Variants in ETS1 observed in about 807,000 individuals in gnomAD.
ETS1 encodes the protein protein C-ets-1.
In ETS1, 15 loss-of-function variants were observed where a neutral mutation model predicts 58.6. That is an observed-to-expected ratio of 0.26 (90% confidence interval 0.17 to 0.39). The LOEUF (loss-of-function observed/expected upper bound fraction) is 0.39, where lower values mean the gene tolerates loss of function less well. ETS1 is among the 10% of genes least tolerant of loss of function. ETS1 has a pLI of 1.00. For missense variants in ETS1, 417 were observed against 610.5 expected, an observed-to-expected ratio of 0.68 and a Z score of 3.34; for synonymous variants, 214 against 218.2, an observed-to-expected ratio of 0.98 and a Z score of 0.17.
At chr11:128,585,746 T>C (rs993302435) in intron 1 of ETS1, among the ~76,000 whole-genome samples, 1 of 152,174 alleles carries the variant, frequency 6.6e-6, no homozygotes, top group Non-Finnish European at 1.5e-5. Flanking sequence ...GGGGCGCAAA[T>C]GATTGCTCAC....
chr11:128,505,477 AG>A (rs1863203646), intron 3 of ETS1: 2 of 152,404 alleles, frequency 1.3e-5, no homozygotes, highest in East Asian at 3.9e-4. Flanking sequence ...TAGACCCCAC[AG>A]ATTTTTTTCT....
intron 3 of ETS1, among the ~76,000 whole-genome samples, chr11:128,539,180 C>G (rs1186262294): frequency 6.6e-6 from 1 of 152,098 alleles, no homozygotes; most frequent in Non-Finnish European, 1.5e-5. Context: ...ACTAGAAAAA[C>G]AAAGAAAAAA....
chr11:128,516,949 A>G (rs1591635651), intron 3 of ETS1, among the ~76,000 whole-genome samples: 1 of 152,208 alleles, frequency 6.6e-6, no homozygotes, highest in South Asian at 2.1e-4. Flanking sequence ...AGGCTCAGCG[A>G]AGGACTGACC....
At chr11:128,541,664 C>A (rs1488902010) in intron 3 of ETS1, among the ~76,000 whole-genome samples, 2 of 151,908 alleles carry the variant, frequency 1.3e-5, no homozygotes, top group Admixed American at 6.6e-5. Flanking sequence ...TGGGTAGTAC[C>A]CACAATGATC....
At chr11:128,537,765 T>G (rs1479744445) in intron 3 of ETS1, among the ~76,000 whole-genome samples, 1 of 152,072 alleles carries the variant, frequency 6.6e-6, no homozygotes, top group Non-Finnish European at 1.5e-5. Context: ...CAATAGAGAC[T>G]TCAAGACAAA....
At chr11:128,526,760 T>C (rs931533008) in intron 3 of ETS1, 1 of 348,024 alleles carries the variant, frequency 2.9e-6, no homozygotes, top group African/African-American at 2.2e-5. Flanking sequence ...AGTGACAGTT[T>C]AAATTCTGAA....
intron 4 of ETS1, among the ~76,000 whole-genome samples, chr11:128,490,012 G>A (rs923727046): frequency 7.2e-5 from 11 of 152,154 alleles, no homozygotes; most frequent in Admixed American, 3.3e-4. Flanking sequence ...ACATTATTAG[G>A]TGCCTGTATT....
chr11:128,516,105 A>G (rs1225331876), intron 3 of ETS1, among the ~76,000 whole-genome samples: 1 of 152,218 alleles, frequency 6.6e-6, no homozygotes, highest in Non-Finnish European at 1.5e-5. Flanking sequence ...GAGATTATAC[A>G]TTATACAATC....
intron 3 of ETS1, among the ~76,000 whole-genome samples, chr11:128,507,314 GC>G (rs1469698341): frequency 6.6e-6 from 1 of 152,158 alleles, no homozygotes; most frequent in East Asian, 1.9e-4. Context: ...GAACCAGAAG[GC>G]CAGCGCTGGT....
chr11:128,515,275 C>T (rs1255604913), intron 3 of ETS1, among the ~76,000 whole-genome samples: 9 of 137,534 alleles, frequency 6.5e-5, no homozygotes, highest in Non-Finnish European at 1.1e-4. Context: ...CACACACACG[C>T]GCGCGTGCAC....
chr11:128,505,005 AACTTT>A (rs1389056950), intron 3 of ETS1: 1 of 152,258 alleles, frequency 6.6e-6, no homozygotes, highest in Non-Finnish European at 1.5e-5. Context: ...GATATTAAGC[AACTTT>A]CAACAGTCAA....
At chr11:128,514,307 A>G (rs1863466483) in intron 3 of ETS1, among the ~76,000 whole-genome samples, 1 of 152,136 alleles carries the variant, frequency 6.6e-6, no homozygotes, top group African/African-American at 2.4e-5. Context: ...ACCCTTAAAT[A>G]TTCCTACTTT....
intron 3 of ETS1, among the ~76,000 whole-genome samples, chr11:128,509,198 G>C (rs1451629111): frequency 2.0e-5 from 3 of 152,234 alleles, no homozygotes; most frequent in African/African-American, 7.2e-5. Context: ...CCCTGCAAGA[G>C]AGACCTTCAG....
chr11:128,573,001 G>C (rs1263250064), intron 2 of ETS1, 61 bp downstream of exon 2: 1 of 1,353,246 alleles, frequency 7.4e-7, no homozygotes, highest in East Asian at 2.4e-5. Flanking sequence ...GATACAGGAA[G>C]CACAAGGAGG....
intron 3 of ETS1, among the ~76,000 whole-genome samples, chr11:128,523,310 C>T (rs966590299): frequency 2.6e-5 from 4 of 152,126 alleles, no homozygotes; most frequent in Non-Finnish European, 5.9e-5. Context: ...AAAATGAACC[C>T]GAATAATTCA....
chr11:128,560,748 T>C (rs2135562549), intron 2 of ETS1, among the ~76,000 whole-genome samples: 1 of 152,282 alleles, frequency 6.6e-6, no homozygotes, highest in Admixed American at 6.5e-5. Flanking sequence ...TGTTAGATGC[T>C]AAGAATGTAA....
At chr11:128,478,066 G>A (rs1361677212) in intron 8 of ETS1, among the ~76,000 whole-genome samples, 2 of 152,194 alleles carry the variant, frequency 1.3e-5, no homozygotes, top group African/African-American at 2.4e-5. Context: ...GCCATCACAT[G>A]AGATAGTATG....
chr11:128,534,771 G>A (rs1260259994), intron 3 of ETS1, among the ~76,000 whole-genome samples: 2 of 152,116 alleles, frequency 1.3e-5, no homozygotes, highest in Non-Finnish European at 2.9e-5. Context: ...CTTTTTTATA[G>A]CTGCATAGTA....
At position 128,460,168 on chromosome 11, in the gene ETS1, CAAA is replaced by C. The variant is rs1339509540; in HGVS notation, c.*2190_*2192del. 6.6e-6 allele frequency: 1 copy of C among 152,600 alleles called. No individual in the cohort carries two copies. Among genetic ancestry groups the C allele is most frequent in the Non-Finnish European group, 1.5e-5 (1 of 68,072 alleles). The allele number at this position is 152,600 out of a possible 1,614,324, so 9.5% of individuals were successfully genotyped here. A position where few individuals can be genotyped will look rare whatever the true frequency, so the allele number is the denominator to read the frequency against. On this transcript the variant is annotated 3_prime_UTR_variant, in exon 10 of 10. Coordinates refer to ENST00000392668, the MANE Select transcript of ETS1 (RefSeq NM_001143820.2). The stretch of plus-strand genomic sequence containing the variant: ...ACACACACCTTTTGCCAGTGCCCAA[CAAA>C]AATCACATAATCTAAGAGAAAACAA...
Sources: gnomAD v4.1 joint callset for allele counts (sites outside exome capture counted in the v4.1 genomes callset) on GRCh38, gnomAD v4.1.1 for gene constraint, MANE v1.5 for transcripts, NCBI Gene and HGNC (gene_info 2026-07-23, HGNC 2026-07-21) for gene names.